Variants in WIPF3 observed in about 807,000 individuals in gnomAD.
The protein encoded by WIPF3 is WAS/WASL-interacting protein family member 3.
Under a neutral mutation model 38.9 loss-of-function variants are expected in WIPF3, and 33 were observed. That is an observed-to-expected ratio of 0.85 (90% confidence interval 0.64 to 1.14). The LOEUF (loss-of-function observed/expected upper bound fraction) is 1.14, where lower values mean the gene tolerates loss of function less well. WIPF3 is among the 50% of genes most tolerant of loss of function. The pLI is 0.00. For synonymous variants in WIPF3, 324 were observed against 269.3 expected (o/e 1.20, Z -1.99); for missense variants, 711 against 652.5 (o/e 1.09, Z -0.98).
At chr7:29,885,444 G>C (rs958123733) in intron 5 of WIPF3, among the ~76,000 whole-genome samples, 9 of 152,156 alleles carry the variant, frequency 5.9e-5, no homozygotes, top group African/African-American at 1.7e-4. Context: ...AAAATCTTTT[G>C]ATGCAGAAAG....
chr7:29,858,978 C>T (rs1433715280), intron 2 of WIPF3, among the ~76,000 whole-genome samples: 1 of 152,186 alleles, frequency 6.6e-6, no homozygotes, highest in Non-Finnish European at 1.5e-5. Context: ...ATGCTCAGTA[C>T]TGGAAGGGTT....
intron 2 of WIPF3, among the ~76,000 whole-genome samples, chr7:29,865,416 G>A (rs960790678): frequency 6.6e-6 from 1 of 152,122 alleles, no homozygotes; most frequent in South Asian, 2.1e-4. Context: ...TCTTAATAAC[G>A]AGTGGGTAAA....
chr7:29,872,874 G>T (rs1785524369), intron 2 of WIPF3, among the ~76,000 whole-genome samples: 1 of 150,112 alleles, frequency 6.7e-6, no homozygotes, highest in Non-Finnish European at 1.5e-5. Flanking sequence ...CGCTCATCAG[G>T]GCCGACACTG....
chr7:29,901,254 G>A (rs1786269077), intron 7 of WIPF3, among the ~76,000 whole-genome samples: 1 of 152,182 alleles, frequency 6.6e-6, no homozygotes, highest in Non-Finnish European at 1.5e-5. Flanking sequence ...TCAGCAGAAT[G>A]GCTCTGCTTT....
At chr7:29,902,772 C>T (rs565702618) in intron 7 of WIPF3, among the ~76,000 whole-genome samples, 6 of 151,278 alleles carry the variant, frequency 4.0e-5, no homozygotes, top group East Asian at 3.9e-4. Flanking sequence ...ACCTGGGAGG[C>T]GGAGGTTGCA....
intron 2 of WIPF3, among the ~76,000 whole-genome samples, chr7:29,855,605 T>C (rs1785173912): frequency 1.3e-5 from 2 of 152,100 alleles, no homozygotes; most frequent in African/African-American, 2.4e-5. Context: ...GTTGTTCTAA[T>C]TGATTCTTGC....
In WIPF3 at chr7:29,834,738, C is replaced by T. The variant is rs1486230008; in HGVS notation, c.14C>T (p.Pro5Leu). The change falls in exon 2 of 9, where the codon CCG (proline) becomes CTG (leucine). Residue 5 changes from proline (P) to leucine (L), a missense_variant. Physicochemically the swap from Pro to Leu is moderately conservative, Grantham distance 98. Coordinates refer to ENST00000242140, the MANE Select transcript of WIPF3 (RefSeq NM_001080529.3). ...ACACCGTGACACATGCCAGTGCCAC[C>T]GCCACCCCCACCTCCTCTGCCTCCA... MPVP[P>L]PPPPPLPPPP... The T allele has an allele frequency of 6.0e-6, 9 of 1,510,180 alleles. No homozygotes were observed. The highest frequency in any genetic ancestry group is 2.8e-5 in the African/African-American group (2 of 71,602). The allele number at this position is 1,510,180 out of a possible 1,614,324, so 93.5% of individuals were successfully genotyped here.
At chr7:29,913,087 C>T (rs1786533853) in intron 8 of WIPF3, among the ~76,000 whole-genome samples, 1 of 148,616 alleles carries the variant, frequency 6.7e-6, no homozygotes, top group Admixed American at 6.7e-5. Flanking sequence ...TGGCTCATGC[C>T]TGTAATCCCA....
chr7:29,821,001 C>G (rs1784529312), intron 1 of WIPF3, among the ~76,000 whole-genome samples: 1 of 152,188 alleles, frequency 6.6e-6, no homozygotes, highest in African/African-American at 2.4e-5. Context: ...AGTCTTGATT[C>G]AGCAGTTAAT....
chr7:29,913,513 A>G (rs1186188352), intron 8 of WIPF3, among the ~76,000 whole-genome samples: 6 of 152,188 alleles, frequency 3.9e-5, no homozygotes, highest in Admixed American at 1.3e-4. Context: ...TACAATGATT[A>G]TATTATTCCC....
intron 7 of WIPF3, among the ~76,000 whole-genome samples, chr7:29,900,138 ATGT>A (rs1478079810): frequency 1.3e-5 from 2 of 151,574 alleles, no homozygotes; most frequent in Non-Finnish European, 2.9e-5. Flanking sequence ...CAGTTTTGCC[ATGT>A]TGTTCAGGCT....
At chr7:29,854,627 C>A (rs1036007820) in intron 2 of WIPF3, among the ~76,000 whole-genome samples, 2 of 152,158 alleles carry the variant, frequency 1.3e-5, no homozygotes, top group African/African-American at 4.8e-5. Context: ...CGCTTGTTCA[C>A]AATTACCACG....
chr7:29,892,229 C>T (rs183188229), intron 7 of WIPF3, among the ~76,000 whole-genome samples: 10 of 152,284 alleles, frequency 6.6e-5, no homozygotes, highest in Admixed American at 6.5e-4. Flanking sequence ...AGCCTGGCCC[C>T]CTACAGTCAC....
chr7:29,838,834 T>C (rs1167459690), intron 2 of WIPF3, among the ~76,000 whole-genome samples: 1 of 152,200 alleles, frequency 6.6e-6, no homozygotes, highest in Non-Finnish European at 1.5e-5. Flanking sequence ...AATGGCAGAA[T>C]GGATTGATAA....
At chr7:29,873,606 A>G (rs748744919) in intron 2 of WIPF3, among the ~76,000 whole-genome samples, 40 of 152,236 alleles carry the variant, frequency 2.6e-4, no homozygotes, top group Non-Finnish European at 4.8e-4. Flanking sequence ...AGCATATTGT[A>G]TGGGAAATGC....
At position 29,904,305 on chromosome 7, in the gene WIPF3, G is replaced by T; in HGVS notation, c.1371G>T (p.Trp457Cys). 2 of 1,613,890 alleles carry T rather than the reference G, an allele frequency of 1.2e-6. No individual in the cohort carries two copies. Among genetic ancestry groups the T allele is most frequent in the Non-Finnish European group, 1.7e-6 (2 of 1,179,834 alleles). ...CTTCAGGCCGTACACCTGGTCCCTG[G>T]CTCCAAGCGGAAGCAGTCGGGCAGA... is the stretch of plus-strand genomic sequence containing the variant. ...KIPRSRTPGP[W>C]LQAEAVGQSS... Residue 457 changes from tryptophan to cysteine, a missense_variant, in exon 8 of 9, where the codon TGG (tryptophan) becomes TGT (cysteine). Trp to Cys is a radical substitution (Grantham distance 215, BLOSUM62 -2). Transcript: ENST00000242140.
In WIPF3 at chr7:29,877,045, A is replaced by T. The variant is rs115138191; in HGVS notation, c.223+1083A>T. On this transcript the variant is annotated intron_variant, in intron 3 of 8. Coordinates refer to ENST00000242140, the MANE Select transcript of WIPF3 (RefSeq NM_001080529.3). ...AAATCCCAAATCTGAAACTTTTTGA[A>T]TGTCGACATGATGCCTCATGTGAAT... Among the ~76,000 whole-genome samples, 369 of 152,298 alleles carry T rather than the reference A, an allele frequency of 2.4e-3. 6 individuals carry two copies. Among genetic ancestry groups the T allele is most frequent in the African/African-American group, 8.4e-3 (351 of 41,552 alleles).
At chr7:29,806,975 G>C (rs1784291511) in intron 1 of WIPF3, among the ~76,000 whole-genome samples, 1 of 151,846 alleles carries the variant, frequency 6.6e-6, no homozygotes, top group South Asian at 2.1e-4. Flanking sequence ...CCACGGGGTT[G>C]CTTGGTGACT....
chr7:29,884,011 G>GGCCC lies in WIPF3; in HGVS notation c.517_518insGCCC (p.Ala173GlyfsTer73). The GGCCC allele has an allele frequency of 7.0e-7, 1 of 1,430,656 alleles. No individual in the cohort carries two copies. The highest frequency in any genetic ancestry group is 9.2e-7 in the Non-Finnish European group (1 of 1,084,350). The allele number at this position is 1,430,656 out of a possible 1,614,324, so 88.6% of individuals were successfully genotyped here. On this transcript the variant is annotated frameshift_variant, in exon 5 of 9. Transcript: ENST00000242140. LOFTEE classifies it high-confidence loss of function. ...AGCCCCGCCTCGCCCCAACGTGCCTGCCCCGCCCCCTCCCACCCCACCCCC... is the reference window on the plus strand; with the variant it reads ...AGCCCCGCCTCGCCCCAACGTGCCTGGCCCCCCCGCCCCCTCCCACCCCACCCCC...
Sources: gnomAD v4.1 joint callset for allele counts (sites outside exome capture counted in the v4.1 genomes callset) on GRCh38, gnomAD v4.1.1 for gene constraint, MANE v1.5 for transcripts, NCBI Gene and HGNC (gene_info 2026-07-23, HGNC 2026-07-21) for gene names.